JCAD: variants seen among roughly 807,000 people sequenced by gnomAD.
JCAD encodes the protein junctional cadherin 5 associated, also known as junctional cadherin 5-associated protein.
In JCAD, 40 loss-of-function variants were observed where a neutral mutation model predicts 98.0. The observed-to-expected ratio is 0.41, with a 90% CI of 0.32 to 0.53. The LOEUF (loss-of-function observed/expected upper bound fraction) is 0.53, where lower values mean the gene tolerates loss of function less well. Ranked by LOEUF, JCAD falls within the 20% of genes least tolerant of loss-of-function variation. The probability of loss-of-function intolerance (pLI) is 0.31; values close to 1 mark genes in which losing one functional copy is unlikely to be tolerated. For missense variants in JCAD, 1,705 were observed against 1,738.1 expected, an observed-to-expected ratio of 0.98 and a Z score of 0.34; for synonymous variants, 691 against 682.3, an observed-to-expected ratio of 1.01 and a Z score of -0.20.
chr10:30,051,078 T>G (rs149255691), intron 1 of JCAD, among the ~76,000 whole-genome samples: 58 of 152,306 alleles, frequency 3.8e-4, no homozygotes, highest in African/African-American at 1.3e-3. Context: ...CTCATCTATA[T>G]TTTCTTCCTT....
chr10:30,086,089 A>ATTAATTTTAATTTTTAAAATTAAAT (rs1564467821), intron 1 of JCAD, among the ~76,000 whole-genome samples: 2 of 152,290 alleles, frequency 1.3e-5, no homozygotes, highest in Non-Finnish European at 2.9e-5. Context: ...AAAAATTAAA[A>ATTAATTTTAATTTTTAAAATTAAAT]TTAATTTTAA....
In JCAD at chr10:30,095,864, C is replaced by T. The variant is rs146067146; in HGVS notation, n.128+19503G>A. On this transcript the variant is annotated intron_variant and non_coding_transcript_variant, in intron 1 of 2. Transcript: ENST00000465712. The stretch of plus-strand genomic sequence containing the variant: ...GAGCAGTGGTAATATAAAAAATGAC[C>T]ACATTAGTAAGTGACAGGCTGTTCC... 3.3e-5 allele frequency among the ~76,000 whole-genome samples: 5 copies of T among 152,224 alleles called. No individual in the cohort carries two copies. In the East Asian group the frequency reaches 9.7e-4, roughly 29 times the overall value.
chr10:30,066,211 G>C (rs1395226647), intron 2 of JCAD, among the ~76,000 whole-genome samples: 1 of 152,150 alleles, frequency 6.6e-6, no homozygotes, highest in Non-Finnish European at 1.5e-5. Flanking sequence ...AAGATTTGAC[G>C]CTAACTGAAA....
chr10:30,071,542 C>T (rs948628037), intron 1 of JCAD, among the ~76,000 whole-genome samples: 3 of 152,070 alleles, frequency 2.0e-5, no homozygotes, highest in South Asian at 2.1e-4. Flanking sequence ...CAGTGGCTCA[C>T]GGCTGTAATC....
At chr10:30,055,628 G>A (rs773401020) in intron 1 of JCAD, among the ~76,000 whole-genome samples, 1 of 152,176 alleles carries the variant, frequency 6.6e-6, no homozygotes, top group Non-Finnish European at 1.5e-5. Flanking sequence ...ACTCTGCCAA[G>A]GCAGTCAAGT....
At chr10:30,037,093 G>A (rs962294530) in intron 2 of JCAD, among the ~76,000 whole-genome samples, 1 of 152,196 alleles carries the variant, frequency 6.6e-6, no homozygotes, top group African/African-American at 2.4e-5. Context: ...GGCAGAAGGG[G>A]CTTTGGGCAT....
rs1836828985 is a variant in JCAD at position 30,026,976 on chromosome 10, C to G, written c.3172G>C (p.Glu1058Gln). The G allele has an allele frequency of 1.2e-6, 2 of 1,614,090 alleles. No individual in the cohort carries two copies. Among genetic ancestry groups the G allele is most frequent in the African/African-American group, 2.7e-5 (2 of 74,936 alleles). The change falls in exon 3 of 4, where the codon GAA becomes CAA. Residue 1058 changes from glutamate (E) to glutamine (Q), a missense_variant. Physicochemically the swap from Glu to Gln is conservative, Grantham distance 29 (BLOSUM62 2). This residue lies in a region of JCAD where 1,278 missense variants were observed against 1,243.1 expected (regional missense o/e 1.03). Transcript: ENST00000375377. ...LRSVGLTPGQ[E>Q]QGASELEGSL... Reference sequence around the variant, plus strand: ...CCCTCTAGCTCACTGGCACCCTGTTCTTGCCCAGGGGTGAGCCCCACAGAC... The same window carrying G: ...CCCTCTAGCTCACTGGCACCCTGTTGTTGCCCAGGGGTGAGCCCCACAGAC...
chr10:30,102,537 C>A (rs952722385), intron 1 of JCAD, among the ~76,000 whole-genome samples: 2 of 152,174 alleles, frequency 1.3e-5, no homozygotes, highest in African/African-American at 4.8e-5. Context: ...CACAGCAGAT[C>A]TCTAGAACTT....
At chr10:30,042,264 T>A (rs927043665) in intron 2 of JCAD, among the ~76,000 whole-genome samples, 8 of 152,074 alleles carry the variant, frequency 5.3e-5, no homozygotes, top group African/African-American at 1.9e-4. Flanking sequence ...CTGGAAACTG[T>A]CCTCACCCGC....
At chr10:30,084,084 T>G (rs1201582355) in intron 1 of JCAD, among the ~76,000 whole-genome samples, 3 of 84,248 alleles carry the variant, frequency 3.6e-5, no homozygotes, top group South Asian at 3.7e-4. Context: ...AAAGAAAGAG[T>G]GAGAGAAAGA....
At chr10:30,034,809 C>T (rs1163507134) in intron 2 of JCAD, among the ~76,000 whole-genome samples, 2 of 152,206 alleles carry the variant, frequency 1.3e-5, no homozygotes, top group Non-Finnish European at 2.9e-5. Flanking sequence ...GACTTAAAAA[C>T]TACCATGTAA....
chr10:30,042,303 C>G (rs1837258276), intron 2 of JCAD, among the ~76,000 whole-genome samples: 1 of 152,210 alleles, frequency 6.6e-6, no homozygotes, highest in South Asian at 2.1e-4. Context: ...AGCTCAGGCA[C>G]CCATGCCTGG....
chr10:30,092,785 T>C (rs1188588344), intron 1 of JCAD, among the ~76,000 whole-genome samples: 2 of 152,106 alleles, frequency 1.3e-5, no homozygotes, highest in Non-Finnish European at 2.9e-5. Flanking sequence ...ACTAGAATGG[T>C]ACAAGAGCAA....
intron 1 of JCAD, among the ~76,000 whole-genome samples, chr10:30,096,433 C>T (rs1243510842): frequency 6.6e-6 from 1 of 152,146 alleles, no homozygotes; most frequent in African/African-American, 2.4e-5. Flanking sequence ...ATGGAAATCT[C>T]TAGGCAGGAA....
chr10:30,050,710 ATTATAT>A (rs1837450511), intron 1 of JCAD, among the ~76,000 whole-genome samples: 1 of 152,150 alleles, frequency 6.6e-6, no homozygotes, highest in African/African-American at 2.4e-5. Context: ...TTGCATGGTA[ATTATAT>A]TTAGCAAGAA....
intron 1 of JCAD, among the ~76,000 whole-genome samples, chr10:30,085,191 T>G (rs887868686): frequency 4.6e-5 from 7 of 152,218 alleles, no homozygotes; most frequent in Non-Finnish European, 8.8e-5. Context: ...AACCTGATTG[T>G]CTTTTGGTGT....
Position 30,028,924 on chromosome 10 carries a change from G to A in JCAD, c.1224C>T (p.Pro408=), listed in dbSNP as rs7921028. The change falls in exon 3 of 4, where the codon CCC becomes CCT. Residue 408 remains proline, a synonymous_variant. Coordinates refer to ENST00000375377, the MANE Select transcript of JCAD (RefSeq NM_020848.4). ...AGGCAGTGACAGGTCGGGGATGTGC[G>A]GGGAGCCCCTGAGGCAAGCGGGGGC... The part of the protein sequence containing the change: ...GVSPRLPQGL[P]AHPRPVTAYD... The A allele has an allele frequency of 0.012, 19,942 of 1,613,984 alleles. 2,084 individuals carry two copies. The African/African-American group carries it at 0.23, about 19-fold the overall frequency.
At chr10:30,103,619 CACA>C (rs1214959189) in intron 1 of JCAD, among the ~76,000 whole-genome samples, 1 of 151,438 alleles carries the variant, frequency 6.6e-6, no homozygotes, top group Non-Finnish European at 1.5e-5. Context: ...TAAATACACA[CACA>C]CACACACACC....
rs941257735 is a variant in JCAD at position 30,027,732 on chromosome 10, G to T, written c.2416C>A (p.Pro806Thr). 2.2e-5 allele frequency: 36 copies of T among 1,614,112 alleles called. No individual in the cohort carries two copies. The highest frequency in any genetic ancestry group is 4.5e-5 in the East Asian group (2 of 44,886). The change falls in exon 3 of 4, where the codon CCC (proline) becomes ACC (threonine). Residue 806 changes from proline (P) to threonine (T), a missense_variant. Physicochemically the swap from Pro to Thr is conservative, Grantham distance 38 (BLOSUM62 -1). This residue lies in a region of JCAD where 1,278 missense variants were observed against 1,243.1 expected (regional missense o/e 1.03). Transcript: ENST00000375377. ...TGTTTACTGTTGCAAGGGCCCGTGGGCTCCCCCTTCACCACCTCCCGCTTA... is the reference window on the plus strand; with the variant it reads ...TGTTTACTGTTGCAAGGGCCCGTGGTCTCCCCCTTCACCACCTCCCGCTTA... ...GPKREVVKGE[P>T]TGPCNSKQLF...
Sources: allele counts gnomAD v4.1 joint callset (sites outside exome capture counted in the v4.1 genomes callset), GRCh38; gene constraint gnomAD v4.1.1; regional missense constraint gnomAD v4.1.1; transcripts MANE v1.5; gene names NCBI Gene and HGNC (gene_info 2026-07-23, HGNC 2026-07-21).